Variants in CCDC32 observed in about 807,000 individuals in gnomAD.
The protein encoded by CCDC32 is coiled-coil domain containing 32.
CCDC32 carries 9 observed loss-of-function variants against 20.1 expected under a neutral mutation model. The ratio of observed to expected loss-of-function variants is 0.45; its 90% CI spans 0.27 to 0.78. CCDC32 has a LOEUF of 0.78. Among genes scored for constraint, CCDC32 ranks in the 30% least tolerant of loss-of-function variants. The pLI is 0.16. For synonymous variants in CCDC32, 63 were observed against 79.0 expected (o/e 0.80, Z 1.07); for missense variants, 204 against 215.5 (o/e 0.95, Z 0.33).
intron 1 of CCDC32, among the ~76,000 whole-genome samples, chr15:40,564,262 G>A (rs938312897): frequency 6.6e-6 from 1 of 152,134 alleles, no homozygotes; most frequent in African/African-American, 2.4e-5. Context: ...CAGTTCAGCC[G>A]TATGTCTCAT....
At chr15:40,530,291 CAAAAAAAAAA>C (rs3068017), downstream of CCDC32, among the ~76,000 whole-genome samples, 3 of 99,562 alleles carry the variant, frequency 3.0e-5, no homozygotes, top group Non-Finnish European at 5.9e-5. Flanking sequence ...AACTACATCT[CAAAAAAAAAA>C]AAAAAAAAAG....
chr15:40,532,825 G>T (rs1340567360), downstream of CCDC32, among the ~76,000 whole-genome samples: 2 of 141,412 alleles, frequency 1.4e-5, no homozygotes, highest in Non-Finnish European at 3.0e-5. Context: ...GGGTTCAGTT[G>T]ATCCTCCCAC....
downstream of CCDC32, among the ~76,000 whole-genome samples, chr15:40,523,976 C>A (rs897298187): frequency 6.6e-6 from 1 of 152,130 alleles, no homozygotes; most frequent in Non-Finnish European, 1.5e-5. Context: ...ATTCACAGAA[C>A]AGCTGTACAT....
chr15:40,555,898 A>G (rs530145375), intron 3 of CCDC32, among the ~76,000 whole-genome samples: 82 of 152,198 alleles, frequency 5.4e-4, no homozygotes, highest in Non-Finnish European at 1.0e-3. Flanking sequence ...TTTACTTTGA[A>G]TAATTTCTTA....
chr15:40,532,714 CTTTTTTTT>C (rs1189285245), downstream of CCDC32, among the ~76,000 whole-genome samples: 6 of 91,486 alleles, frequency 6.6e-5, no homozygotes, highest in African/African-American at 8.1e-5. Flanking sequence ...TGTTTTCTTT[CTTTTTTTT>C]TTTTTTTTTT....
At position 40,553,487 on chromosome 15, in the gene CCDC32, C is replaced by T; in HGVS notation, c.*484G>A. ...ATGGGGCTTGGATTCAAGGAGCAGA[C>T]TTCACTCTTACTGGCCCCACTCACG... On this transcript the variant is annotated 3_prime_UTR_variant, in exon 4 of 4. Transcript: ENST00000416810. 1 of 986,450 alleles carries T rather than the reference C, an allele frequency of 1.0e-6. No homozygotes were observed. Among genetic ancestry groups the T allele is most frequent in the Non-Finnish European group, 1.2e-6 (1 of 830,620 alleles). The allele number at this position is 986,450 out of a possible 1,614,324, so 61.1% of individuals were successfully genotyped here.
chr15:40,539,296 C>G (rs1889270335), exon 4 of CCDC32: 4 of 1,535,496 alleles, frequency 2.6e-6, no homozygotes, highest in Non-Finnish European at 3.5e-6. Flanking sequence ...ACACTGGTGG[C>G]TGTCCCACGC....
At chr15:40,528,197 G>A (rs948507768), downstream of CCDC32, among the ~76,000 whole-genome samples, 9 of 152,180 alleles carry the variant, frequency 5.9e-5, no homozygotes, top group Admixed American at 6.5e-5. Context: ...ACACTTGCAC[G>A]GTCAGTCATG....
At chr15:40,529,812 C>T (rs990688096) in intron 3 of CCDC32, 1 of 151,360 alleles carries the variant, frequency 6.6e-6, no homozygotes, top group Non-Finnish European at 1.5e-5. Flanking sequence ...CAGGCACCCG[C>T]CACTGCGCCT....
downstream of CCDC32, among the ~76,000 whole-genome samples, chr15:40,550,248 C>A (rs1017162117): frequency 5.3e-5 from 8 of 152,132 alleles, no homozygotes; most frequent in African/African-American, 1.4e-4. Context: ...CTAAATATTG[C>A]TCCATTTGCT....
intron 3 of CCDC32, among the ~76,000 whole-genome samples, chr15:40,541,867 G>A (rs1889409879): frequency 1.3e-5 from 2 of 152,240 alleles, no homozygotes. Flanking sequence ...CCTCAGGGTT[G>A]AGCTAAGATA....
chr15:40,533,713 A>C (rs1054592658), downstream of CCDC32, among the ~76,000 whole-genome samples: 2 of 152,180 alleles, frequency 1.3e-5, no homozygotes, highest in Non-Finnish European at 2.9e-5. Flanking sequence ...AAATAAGAAA[A>C]GTATGTATTA....
At chr15:40,535,156 G>T, downstream of CCDC32, 2 of 1,098,610 alleles carry the variant, frequency 1.8e-6, no homozygotes, top group Non-Finnish European at 2.6e-6. Context: ...GCATCAGGAA[G>T]ATTAACGTGA....
downstream of CCDC32, chr15:40,539,027 A>C: frequency 1.8e-6 from 1 of 569,004 alleles, no homozygotes; most frequent in Non-Finnish European, 3.1e-6. Flanking sequence ...GGCTCTGACT[A>C]AAGCCCTGTC....
At chr15:40,542,314 CCTT>C (rs1889427965) in intron 3 of CCDC32, among the ~76,000 whole-genome samples, 1 of 152,158 alleles carries the variant, frequency 6.6e-6, no homozygotes, top group Non-Finnish European at 1.5e-5. Flanking sequence ...ACCCAATACT[CCTT>C]CAAATATTTT....
At chr15:40,528,163 A>C (rs569391083), downstream of CCDC32, among the ~76,000 whole-genome samples, 115 of 152,370 alleles carry the variant, frequency 7.5e-4, no homozygotes, top group African/African-American at 2.7e-3. Context: ...GGCCGCTCTC[A>C]TGGGGAAGAT....
chr15:40,563,472 G>C (rs1174616986), intron 1 of CCDC32, among the ~76,000 whole-genome samples: 1 of 152,160 alleles, frequency 6.6e-6, no homozygotes, highest in Non-Finnish European at 1.5e-5. Flanking sequence ...CAAATTCATA[G>C]ATACAGAAAA....
chr15:40,537,112 A>G (rs1319135462), downstream of CCDC32: 1 of 152,298 alleles, frequency 6.6e-6, no homozygotes, highest in Admixed American at 6.5e-5. Flanking sequence ...AGAATCTAGA[A>G]TTCTAAAGGA....
intron 2 of CCDC32, chr15:40,557,616 A>G: frequency 2.7e-6 from 1 of 375,868 alleles, no homozygotes. Flanking sequence ...GAAAAGCCAT[A>G]GGTTCTCATA....
Sources: allele counts gnomAD v4.1 joint callset (sites outside exome capture counted in the v4.1 genomes callset), GRCh38; gene constraint gnomAD v4.1.1; transcripts MANE v1.5; gene names NCBI Gene and HGNC (gene_info 2026-07-23, HGNC 2026-07-21).